Variants in C1orf87 observed in about 807,000 individuals in gnomAD.
C1orf87 encodes chromosome 1 open reading frame 87, also known as uncharacterized protein C1orf87.
In C1orf87, 58 loss-of-function variants were observed where a neutral mutation model predicts 60.5. The observed-to-expected ratio is 0.96, with a 90% CI of 0.78 to 1.19. C1orf87 has a LOEUF of 1.19. C1orf87 is among the 50% of genes most tolerant of loss of function. C1orf87 has a pLI of 0.00. For synonymous variants in C1orf87, 236 were observed against 227.4 expected (o/e 1.04, Z -0.34); for missense variants, 673 against 638.6 (o/e 1.05, Z -0.58).
chr1:60,050,368 GATTT>G (rs753208805), intron 3 of C1orf87, among the ~76,000 whole-genome samples: 13 of 151,752 alleles, frequency 8.6e-5, no homozygotes, highest in Non-Finnish European at 1.9e-4. Context: ...CTTGGCATTT[GATTT>G]ATTTATTTAG....
At chr1:60,005,461 G>T (rs1645037089) in intron 9 of C1orf87, among the ~76,000 whole-genome samples, 2 of 152,216 alleles carry the variant, frequency 1.3e-5, no homozygotes, top group Non-Finnish European at 2.9e-5. Context: ...ATGATTAGGG[G>T]ATGGAAAGTA....
At chr1:60,040,259 C>T in intron 4 of C1orf87, 79 bp from the exon 5 acceptor site, 3 of 1,523,764 alleles carry the variant, frequency 2.0e-6, no homozygotes, top group Non-Finnish European at 2.6e-6. Flanking sequence ...CAGAGGCACA[C>T]TGGGGCTGGT....
At chr1:60,025,226 A>T (rs1645190892) in intron 8 of C1orf87, among the ~76,000 whole-genome samples, 175 bp downstream of exon 8, 1 of 152,168 alleles carries the variant, frequency 6.6e-6, no homozygotes, top group African/African-American at 2.4e-5. Context: ...TGTTCCTCTC[A>T]TTACAAAGAC....
chr1:60,033,747 A>G, intron 6 of C1orf87, 106 bp from the exon 7 acceptor site: 2 of 1,313,992 alleles, frequency 1.5e-6, no homozygotes, highest in Non-Finnish European at 1.0e-6. Flanking sequence ...ATGGAACCAG[A>G]GAGCCCATCT....
intron 3 of C1orf87, among the ~76,000 whole-genome samples, chr1:60,051,530 C>G (rs639882): frequency 0.77 from 117,725 of 152,094 alleles, 46,247 homozygotes; most frequent in South Asian, 0.85. Context: ...ATCAAATCCA[C>G]TTTAGAGCCA....
intron 7 of C1orf87, among the ~76,000 whole-genome samples, chr1:60,025,771 G>A (rs1300600118): frequency 1.3e-5 from 2 of 152,114 alleles, no homozygotes; most frequent in African/African-American, 4.8e-5. Flanking sequence ...TTGAAATGCT[G>A]ATCTTACATT....
chr1:60,027,675 T>C lies in C1orf87; in HGVS notation c.1030-2177A>G, dbSNP rs539163426. Among the ~76,000 whole-genome samples, 44 of 152,198 alleles carry C rather than the reference T, an allele frequency of 2.9e-4. No homozygotes were observed. The South Asian group carries it at 8.5e-3, about 29-fold the overall frequency. On this transcript the variant is annotated intron_variant, in intron 7 of 11. Transcript: ENST00000371201. ...CAACCAATCGGGTTTGAAACTTGCA[T>C]GTTCCTGTGTATAGAGGAGAAATGT...
At chr1:60,044,926 C>A (rs1645355126) in intron 3 of C1orf87, among the ~76,000 whole-genome samples, 1 of 152,142 alleles carries the variant, frequency 6.6e-6, no homozygotes, top group Non-Finnish European at 1.5e-5. Flanking sequence ...AGAACTGGTA[C>A]AAATGAAGCA....
intron 3 of C1orf87, among the ~76,000 whole-genome samples, chr1:60,044,349 T>C (rs1351598285): frequency 6.6e-6 from 1 of 152,222 alleles, no homozygotes; most frequent in Non-Finnish European, 1.5e-5. Flanking sequence ...GTTTTCTGGC[T>C]TCAACTATGG....
intron 2 of C1orf87, among the ~76,000 whole-genome samples, chr1:60,057,887 G>A (rs1440449337): frequency 6.6e-6 from 1 of 152,130 alleles, no homozygotes; most frequent in Non-Finnish European, 1.5e-5. Context: ...AAAGACCATT[G>A]ATTTTTGTGA....
At chr1:60,021,932 A>T (rs1353740360) in intron 8 of C1orf87, among the ~76,000 whole-genome samples, 2 of 152,084 alleles carry the variant, frequency 1.3e-5, no homozygotes, top group African/African-American at 4.8e-5. Context: ...TAGCATAAGG[A>T]TATCTGTGGG....
chr1:60,042,398 G>A (rs976569119), intron 3 of C1orf87, among the ~76,000 whole-genome samples: 7 of 152,100 alleles, frequency 4.6e-5, no homozygotes, highest in Admixed American at 3.9e-4. Context: ...ATAGAAGGGC[G>A]ACATGATCAG....
intron 8 of C1orf87, among the ~76,000 whole-genome samples, chr1:60,023,523 A>G (rs1417485116): frequency 6.6e-6 from 1 of 152,168 alleles, no homozygotes; most frequent in Non-Finnish European, 1.5e-5. Flanking sequence ...AATAAACCTC[A>G]TTTTTTAAAA....
intron 6 of C1orf87, among the ~76,000 whole-genome samples, chr1:60,035,104 C>A (rs1020150044): frequency 3.9e-5 from 6 of 152,136 alleles, no homozygotes; most frequent in Non-Finnish European, 8.8e-5. Flanking sequence ...CAGGGAGTTC[C>A]CCAGCTCATG....
chr1:60,023,245 G>GA (rs1557464478), intron 8 of C1orf87, among the ~76,000 whole-genome samples: 2 of 151,668 alleles, frequency 1.3e-5, no homozygotes, highest in South Asian at 2.1e-4. Flanking sequence ...CTCCAAATTT[G>GA]AAAAAAATGG....
At chr1:60,018,621 T>G (rs1645139907) in intron 8 of C1orf87, among the ~76,000 whole-genome samples, 1 of 152,110 alleles carries the variant, frequency 6.6e-6, no homozygotes, top group Non-Finnish European at 1.5e-5. Context: ...TTTTTGGTAG[T>G]CTTAATTTTG....
intron 10 of C1orf87, among the ~76,000 whole-genome samples, chr1:59,999,046 T>C (rs1009003591): frequency 2.6e-5 from 4 of 152,152 alleles, no homozygotes; most frequent in African/African-American, 9.6e-5. Flanking sequence ...CCCCCAACTT[T>C]CAAATGTCTG....
chr1:60,040,905 T>A, intron 4 of C1orf87, 86 bp downstream of exon 4: 1 of 1,431,606 alleles, frequency 7.0e-7, no homozygotes, highest in Non-Finnish European at 9.4e-7. Context: ...CAGACCAACT[T>A]ATCTTCTGCT....
intron 3 of C1orf87, among the ~76,000 whole-genome samples, chr1:60,052,589 T>C (rs1645422293): frequency 1.3e-5 from 2 of 152,192 alleles, no homozygotes; most frequent in South Asian, 4.1e-4. Flanking sequence ...AATGAGACTC[T>C]TCGAACTTAC....
Sources: allele counts gnomAD v4.1 joint callset (sites outside exome capture counted in the v4.1 genomes callset), GRCh38; gene constraint gnomAD v4.1.1; transcripts MANE v1.5; gene names NCBI Gene and HGNC (gene_info 2026-07-23, HGNC 2026-07-21).